KIF3B: variants seen among roughly 807,000 people sequenced by gnomAD.
KIF3B encodes kinesin family member 3B, also known as kinesin-like protein KIF3B.
A neutral mutation model predicts 74.3 loss-of-function variants in KIF3B; 38 were observed. The observed-to-expected ratio is 0.51, with a 90% confidence interval of 0.39 to 0.67. KIF3B has a LOEUF of 0.67. KIF3B is among the 30% of genes least tolerant of loss of function. The pLI is 0.00. For missense variants in KIF3B, 649 were observed against 932.0 expected (o/e 0.70, Z 3.95); for synonymous variants, 326 against 342.5 (o/e 0.95, Z 0.53).
chr20:32,304,620 G>A (rs1410443851), intron 1 of KIF3B, among the ~76,000 whole-genome samples: 1 of 152,124 alleles, frequency 6.6e-6, no homozygotes, highest in African/African-American at 2.4e-5. Flanking sequence ...AAGCAGCTCT[G>A]TATTTACCGA....
intron 2 of KIF3B, 116 bp downstream of exon 2, chr20:32,311,297 T>G: frequency 9.0e-7 from 1 of 1,116,292 alleles, no homozygotes; most frequent in Non-Finnish European, 1.3e-6. Flanking sequence ...GTTTTGGATT[T>G]CCAACAGCTC....
At chr20:32,285,270 A>G (rs1297677891) in intron 1 of KIF3B, among the ~76,000 whole-genome samples, 1 of 152,190 alleles carries the variant, frequency 6.6e-6, no homozygotes, top group Admixed American at 6.6e-5. Flanking sequence ...CAGGGTCCGA[A>G]CAGCTGAAGC....
At chr20:32,312,123 T>TC (rs1459239432) in intron 2 of KIF3B, among the ~76,000 whole-genome samples, 2 of 150,092 alleles carry the variant, frequency 1.3e-5, no homozygotes, top group Non-Finnish European at 3.0e-5. Flanking sequence ...TTTCTTTCTT[T>TC]TTTTTTTTTG....
intron 1 of KIF3B, among the ~76,000 whole-genome samples, chr20:32,297,881 G>A (rs7272824): frequency 0.014 from 2,091 of 152,120 alleles, 55 homozygotes; most frequent in African/African-American, 0.047. Context: ...GCTGAGGCGG[G>A]CAGATCACCT....
intron 5 of KIF3B, among the ~76,000 whole-genome samples, chr20:32,323,330 T>C (rs2047885774): frequency 6.6e-6 from 1 of 150,846 alleles, no homozygotes; most frequent in Admixed American, 6.7e-5. Context: ...ATATTAGGAC[T>C]ACATGTTACA....
chr20:32,308,418 G>A (rs2047783049), intron 1 of KIF3B, among the ~76,000 whole-genome samples: 1 of 151,998 alleles, frequency 6.6e-6, no homozygotes, highest in Non-Finnish European at 1.5e-5. Flanking sequence ...TTATTTTACT[G>A]TATTTATTTT....
intron 1 of KIF3B, among the ~76,000 whole-genome samples, chr20:32,293,049 G>A (rs1361175063): frequency 1.3e-5 from 2 of 152,224 alleles, no homozygotes; most frequent in Middle Eastern, 3.4e-3. Flanking sequence ...GAGGTCAGGA[G>A]TTCAAGACCA....
intron 1 of KIF3B, among the ~76,000 whole-genome samples, chr20:32,279,862 G>A (rs1362159379): frequency 2.0e-5 from 3 of 152,184 alleles, no homozygotes; most frequent in Non-Finnish European, 4.4e-5. Flanking sequence ...CCCTTTCAGT[G>A]CTGTTATGCA....
At chr20:32,280,085 T>A (rs1265536751) in intron 1 of KIF3B, among the ~76,000 whole-genome samples, 1 of 152,234 alleles carries the variant, frequency 6.6e-6, no homozygotes, top group Non-Finnish European at 1.5e-5. Flanking sequence ...AGTTTCCTCA[T>A]CTGTAAAATG....
intron 1 of KIF3B, among the ~76,000 whole-genome samples, chr20:32,292,583 G>GAAAAAAAAAAA (rs71185398): frequency 5.6e-5 from 4 of 71,828 alleles, no homozygotes; most frequent in African/African-American, 9.5e-5. Flanking sequence ...ACTAAAAATA[G>GAAAAAAAAAAA]AAAAAAAAAA....
At chr20:32,326,720 A>G (rs1035949194) in intron 5 of KIF3B, 51 bp from the exon 6 acceptor site, 1 of 760,520 alleles carries the variant, frequency 1.3e-6, no homozygotes, top group African/African-American at 1.7e-5. Flanking sequence ...GATAGCTGAC[A>G]CTTCATATGT....
intron 1 of KIF3B, among the ~76,000 whole-genome samples, chr20:32,294,919 A>G (rs1052009725): frequency 2.6e-5 from 4 of 152,090 alleles, no homozygotes; most frequent in Non-Finnish European, 5.9e-5. Context: ...AAATACCTAG[A>G]GGTTTGTTGC....
At chr20:32,307,351 G>C (rs1330167528) in intron 1 of KIF3B, among the ~76,000 whole-genome samples, 1 of 152,114 alleles carries the variant, frequency 6.6e-6, no homozygotes, top group Non-Finnish European at 1.5e-5. Context: ...TCTTGGTATA[G>C]GATTACATTT....
chr20:32,322,690 T>TTA (rs1241395550), intron 5 of KIF3B, among the ~76,000 whole-genome samples: 10,871 of 53,606 alleles, frequency 0.2, 2,864 homozygotes, highest in East Asian at 0.62. Context: ...TTATATATAT[T>TTA]TATATATATT....
intron 8 of KIF3B, 51 bp from the exon 9 acceptor site, chr20:32,331,172 C>T: frequency 7.6e-7 from 1 of 1,318,038 alleles, no homozygotes. Flanking sequence ...TCTGATGTGT[C>T]AGGGACAGAG....
At chr20:32,325,748 A>G (rs1176133619) in intron 5 of KIF3B, among the ~76,000 whole-genome samples, 2 of 134,036 alleles carry the variant, frequency 1.5e-5, no homozygotes, top group Middle Eastern at 4.2e-3. Flanking sequence ...GCTCACTGCA[A>G]CCTCTGCCCT....
At chr20:32,300,346 C>T (rs771407119) in intron 1 of KIF3B, among the ~76,000 whole-genome samples, 2 of 151,360 alleles carry the variant, frequency 1.3e-5, no homozygotes, top group African/African-American at 2.4e-5. Flanking sequence ...GGTGCGATCT[C>T]CACTCACTGC....
intron 1 of KIF3B, among the ~76,000 whole-genome samples, chr20:32,285,660 A>C (rs1294813822): frequency 1.3e-5 from 2 of 152,092 alleles, no homozygotes; most frequent in Non-Finnish European, 2.9e-5. Flanking sequence ...TTGCGCATAC[A>C]TATATATATG....
At chr20:32,311,263 T>C (rs1295452184) in intron 2 of KIF3B, 82 bp downstream of exon 2, 3 of 1,403,950 alleles carry the variant, frequency 2.1e-6, no homozygotes, top group East Asian at 2.5e-5. Context: ...AACATAACCA[T>C]ATGAGGGATG....
Sources: allele counts gnomAD v4.1 joint callset (sites outside exome capture counted in the v4.1 genomes callset), GRCh38; gene constraint gnomAD v4.1.1; transcripts MANE v1.5; gene names NCBI Gene and HGNC (gene_info 2026-07-23, HGNC 2026-07-21).